The following CNTN1 variants were observed in gnomAD, a reference collection of about 807,000 sequenced individuals.
The protein encoded by CNTN1 is contactin 1.
CNTN1 carries 38 observed loss-of-function variants against 126.4 expected under a neutral mutation model. The ratio of observed to expected loss-of-function variants is 0.30; its 90% CI spans 0.23 to 0.39. The LOEUF (loss-of-function observed/expected upper bound fraction) is 0.39. CNTN1 is among the 10% of genes least tolerant of loss of function. CNTN1 has a pLI of 1.00. For synonymous variants in CNTN1, 413 were observed against 422.6 expected (o/e 0.98, Z 0.28); for missense variants, 1,009 against 1,248.4 (o/e 0.81, Z 2.89).
chr12:40,928,020 G>T (rs1213570682), intron 6 of CNTN1, among the ~76,000 whole-genome samples: 3 of 151,948 alleles, frequency 2.0e-5, no homozygotes, highest in South Asian at 2.1e-4. Context: ...TAAAATTCAG[G>T]TCTCTGTATT....
chr12:40,816,020 C>T (rs914761946), intron 1 of CNTN1, among the ~76,000 whole-genome samples: 8 of 151,982 alleles, frequency 5.3e-5, no homozygotes, highest in African/African-American at 1.9e-4. Context: ...ATGGTGGATA[C>T]GTTTTTTGGT....
chr12:40,915,593 C>A (rs754597453), intron 3 of CNTN1, among the ~76,000 whole-genome samples: 3 of 152,090 alleles, frequency 2.0e-5, no homozygotes, highest in Non-Finnish European at 2.9e-5. Context: ...TCTAAAAAAT[C>A]TTTCCAATGT....
intron 1 of CNTN1, among the ~76,000 whole-genome samples, chr12:40,756,355 T>C (rs1938608792): frequency 6.6e-6 from 1 of 151,722 alleles, no homozygotes; most frequent in Non-Finnish European, 1.5e-5. Flanking sequence ...ATAAGGGGAG[T>C]GTCCTCATTG....
At chr12:40,750,683 C>T (rs931541364) in intron 1 of CNTN1, among the ~76,000 whole-genome samples, 33 of 151,860 alleles carry the variant, frequency 2.2e-4, no homozygotes, top group African/African-American at 8.0e-4. Context: ...AGCATGGACA[C>T]CAGTTGAGAA....
chr12:40,935,570 T>C (rs1376863269), intron 9 of CNTN1, among the ~76,000 whole-genome samples: 3 of 152,128 alleles, frequency 2.0e-5, no homozygotes, highest in Non-Finnish European at 4.4e-5. Flanking sequence ...TTACATGATG[T>C]AATAGAAAAT....
chr12:40,702,931 A>G (rs933095826), intron 1 of CNTN1, among the ~76,000 whole-genome samples: 1 of 152,184 alleles, frequency 6.6e-6, no homozygotes, highest in African/African-American at 2.4e-5. Context: ...AGAATGCTAC[A>G]GAAACATTAT....
chr12:40,984,938 AAG>A (rs1947917224), intron 16 of CNTN1, among the ~76,000 whole-genome samples: 1 of 152,098 alleles, frequency 6.6e-6, no homozygotes, highest in East Asian at 1.9e-4. Flanking sequence ...AAGAAAAAAT[AAG>A]TATTTATATC....
At chr12:41,031,416 A>G (rs990451624) in intron 23 of CNTN1, among the ~76,000 whole-genome samples, 5 of 152,214 alleles carry the variant, frequency 3.3e-5, no homozygotes, top group South Asian at 2.1e-4. Flanking sequence ...TGACAACATT[A>G]TAATATAGTA....
chr12:40,981,321 C>T (rs999373732), intron 16 of CNTN1, among the ~76,000 whole-genome samples: 1 of 152,030 alleles, frequency 6.6e-6, no homozygotes, highest in Non-Finnish European at 1.5e-5. Flanking sequence ...AATGAGGCCT[C>T]CTGGGTTTCT....
intron 1 of CNTN1, among the ~76,000 whole-genome samples, chr12:40,824,923 A>C (rs1393172492): frequency 1.3e-5 from 2 of 152,168 alleles, no homozygotes; most frequent in African/African-American, 2.4e-5. Context: ...ACATATAGAC[A>C]CAGTTCTATG....
intron 15 of CNTN1, among the ~76,000 whole-genome samples, chr12:40,959,714 C>T (rs569808265): frequency 1.3e-4 from 19 of 151,972 alleles, no homozygotes; most frequent in South Asian, 4.1e-4. Flanking sequence ...TTAGTGTTTT[C>T]GTTCTTATGA....
intron 23 of CNTN1, among the ~76,000 whole-genome samples, chr12:41,058,125 A>G (rs1272252287): frequency 1.3e-5 from 2 of 152,140 alleles, no homozygotes; most frequent in Non-Finnish European, 2.9e-5. Context: ...AAAAACAGGT[A>G]AAGTGAACAA....
At chr12:40,897,359 C>T (rs1228439894) in intron 1 of CNTN1, among the ~76,000 whole-genome samples, 1 of 152,036 alleles carries the variant, frequency 6.6e-6, no homozygotes, top group Non-Finnish European at 1.5e-5. Flanking sequence ...TAACTAGGTG[C>T]TAAGCTTTTG....
intron 1 of CNTN1, among the ~76,000 whole-genome samples, chr12:40,725,568 C>T (rs1942332194): frequency 2.0e-5 from 3 of 152,082 alleles, no homozygotes; most frequent in African/African-American, 7.2e-5. Context: ...TGGGAGCCAT[C>T]CCTTTGAAAT....
chr12:41,006,942 T>C (rs1948507233), intron 17 of CNTN1, among the ~76,000 whole-genome samples: 1 of 148,992 alleles, frequency 6.7e-6, no homozygotes, highest in Admixed American at 6.8e-5. Flanking sequence ...ACAAATCCAA[T>C]AAGGTACAGT....
intron 1 of CNTN1, among the ~76,000 whole-genome samples, chr12:40,829,648 A>G (rs1941741429): frequency 6.6e-6 from 1 of 152,180 alleles, no homozygotes; most frequent in South Asian, 2.1e-4. Flanking sequence ...AACTCCCAGC[A>G]TTACAGAATG....
chr12:40,762,379 AG>A (rs1376218106), intron 1 of CNTN1, among the ~76,000 whole-genome samples: 1 of 43,782 alleles, frequency 2.3e-5, no homozygotes, highest in East Asian at 9.0e-4. Context: ...TGATAAGACA[AG>A]GAATTGGTCC....
At chr12:41,055,209 C>G (rs1949776846) in intron 23 of CNTN1, among the ~76,000 whole-genome samples, 1 of 152,034 alleles carries the variant, frequency 6.6e-6, no homozygotes, top group African/African-American at 2.4e-5. Context: ...ATGAGAGGAT[C>G]AACTATAACT....
At chr12:40,940,783 G>T (rs909125655) in intron 12 of CNTN1, among the ~76,000 whole-genome samples, 9 of 152,120 alleles carry the variant, frequency 5.9e-5, no homozygotes, top group Non-Finnish European at 1.3e-4. Context: ...TGACCTCAGG[G>T]TTGTTAAGAT....
Sources: allele counts gnomAD v4.1 joint callset (sites outside exome capture counted in the v4.1 genomes callset), GRCh38; gene constraint gnomAD v4.1.1; transcripts MANE v1.5; gene names NCBI Gene and HGNC (gene_info 2026-07-23, HGNC 2026-07-21).